AGTPBP1: variants seen among roughly 807,000 people sequenced by gnomAD.
AGTPBP1 encodes the protein cytosolic carboxypeptidase 1.
A neutral mutation model predicts 143.9 loss-of-function variants in AGTPBP1; 70 were observed. That is an observed-to-expected ratio of 0.49 (90% CI 0.40 to 0.59). AGTPBP1 has a LOEUF of 0.59. Ranked by LOEUF, AGTPBP1 falls within the 20% of genes least tolerant of loss-of-function variation. The pLI is 0.00. For missense variants in AGTPBP1, 1,229 were observed against 1,464.5 expected (o/e 0.84, Z 2.62); for synonymous variants, 463 against 500.2 (o/e 0.93, Z 0.99).
chr9:85,599,751 A>G (rs772611540), intron 17 of AGTPBP1, among the ~76,000 whole-genome samples: 1 of 152,256 alleles, frequency 6.6e-6, no homozygotes, highest in Non-Finnish European at 1.5e-5. Context: ...ATAAACGCTG[A>G]CATGCAGTTT....
At chr9:85,661,060 G>A in intron 8 of AGTPBP1, 87 bp from the exon 9 acceptor site, 1 of 1,149,884 alleles carries the variant, frequency 8.7e-7, no homozygotes, top group South Asian at 1.6e-5. Context: ...TTTTCAATAA[G>A]TCATTATTCT....
chr9:85,601,138 C>T (rs1829642104), intron 17 of AGTPBP1, among the ~76,000 whole-genome samples: 1 of 152,160 alleles, frequency 6.6e-6, no homozygotes, highest in African/African-American at 2.4e-5. Flanking sequence ...GCACACATTC[C>T]CCAGCCACTC....
intron 1 of AGTPBP1, among the ~76,000 whole-genome samples, chr9:85,735,657 A>G (rs985400296): frequency 1.3e-5 from 2 of 152,248 alleles, no homozygotes; most frequent in African/African-American, 2.4e-5. Context: ...GTTAAAATCA[A>G]TAAGATTAAA....
chr9:85,671,814 T>C (rs1462925287), intron 7 of AGTPBP1, among the ~76,000 whole-genome samples: 2 of 152,156 alleles, frequency 1.3e-5, no homozygotes, highest in African/African-American at 2.4e-5. Context: ...GTTCCCATAC[T>C]AGTTATTTTC....
chr9:85,552,486 G>A (rs1008631598), intron 25 of AGTPBP1, among the ~76,000 whole-genome samples: 33 of 152,124 alleles, frequency 2.2e-4, no homozygotes, highest in Non-Finnish European at 3.5e-4. Flanking sequence ...CATGATGAAA[G>A]CAAAACACTG....
intron 17 of AGTPBP1, among the ~76,000 whole-genome samples, chr9:85,602,610 C>A (rs1248351300): frequency 1.3e-5 from 2 of 152,182 alleles, no homozygotes; most frequent in African/African-American, 4.8e-5. Flanking sequence ...AGAGGCAGAA[C>A]AAGATGGCCA....
chr9:85,766,163 T>C, the AGTPBP1 span, among the ~76,000 whole-genome samples: 1 of 151,494 alleles, frequency 6.6e-6, no homozygotes, highest in Non-Finnish European at 1.5e-5. Context: ...ATGTTTCCCT[T>C]GAGAAATTAA....
chr9:85,643,443 A>G (rs111813318), intron 12 of AGTPBP1, among the ~76,000 whole-genome samples: 2 of 152,342 alleles, frequency 1.3e-5, no homozygotes, highest in Middle Eastern at 3.4e-3. Context: ...TTGCAAAGAC[A>G]GGAGCCAGGA....
chr9:85,653,177 G>C (rs1271575667), intron 11 of AGTPBP1, among the ~76,000 whole-genome samples: 1 of 150,946 alleles, frequency 6.6e-6, no homozygotes, highest in East Asian at 2.0e-4. Context: ...GCTGAGGTGG[G>C]GGGGATCTCT....
At chr9:85,764,879 AT>A in the AGTPBP1 span, 1 of 1,256,486 alleles carries the variant, frequency 8.0e-7, no homozygotes, top group Non-Finnish European at 1.2e-6. Context: ...ACGAAGACAC[AT>A]TTTTAAGATG....
chr9:85,575,549 T>C, intron 24 of AGTPBP1, 74 bp from the exon 25 acceptor site: 2 of 1,239,822 alleles, frequency 1.6e-6, no homozygotes, highest in Non-Finnish European at 2.2e-6. Flanking sequence ...TGAAATTATA[T>C]AAAAAGAATT....
the AGTPBP1 span, among the ~76,000 whole-genome samples, chr9:85,775,407 T>G: frequency 1.3e-5 from 2 of 151,526 alleles, no homozygotes; most frequent in Admixed American, 6.6e-5. Context: ...TCCCAGCATT[T>G]TGGAAGGTTG....
chr9:85,629,256 G>C (rs1054955666), intron 14 of AGTPBP1, among the ~76,000 whole-genome samples: 12 of 152,114 alleles, frequency 7.9e-5, no homozygotes, highest in Admixed American at 6.6e-4. Flanking sequence ...ATTACTTCAG[G>C]AAAAAGTCCT....
At chr9:85,597,551 T>C (rs761228864) in intron 17 of AGTPBP1, among the ~76,000 whole-genome samples, 2 of 152,102 alleles carry the variant, frequency 1.3e-5, no homozygotes, top group African/African-American at 2.4e-5. Flanking sequence ...AAGTCAAAAA[T>C]AGCTAACAAT....
At chr9:85,606,922 G>A (rs926208160) in intron 17 of AGTPBP1, among the ~76,000 whole-genome samples, 2 of 151,866 alleles carry the variant, frequency 1.3e-5, no homozygotes, top group African/African-American at 4.8e-5. Flanking sequence ...GGATAAGGGG[G>A]GTGAAGAGAG....
At chr9:85,695,847 T>A (rs1836198129) in intron 2 of AGTPBP1, among the ~76,000 whole-genome samples, 1 of 142,628 alleles carries the variant, frequency 7.0e-6, no homozygotes, top group African/African-American at 2.6e-5. Flanking sequence ...TTTCTTTTAC[T>A]TTTTTTTTTT....
chr9:85,702,003 A>C (rs761848407), intron 2 of AGTPBP1, among the ~76,000 whole-genome samples: 3 of 152,128 alleles, frequency 2.0e-5, no homozygotes, highest in Non-Finnish European at 4.4e-5. Flanking sequence ...GCCCCATATA[A>C]TGTTATCTTT....
At chr9:85,648,785 C>T (rs1377907134) in intron 11 of AGTPBP1, among the ~76,000 whole-genome samples, 3 of 152,028 alleles carry the variant, frequency 2.0e-5, no homozygotes, top group African/African-American at 7.3e-5. Flanking sequence ...GCACTCCAGC[C>T]TGGGCAACAG....
chr9:85,586,446 AG>A (rs1459877796), intron 22 of AGTPBP1, among the ~76,000 whole-genome samples: 1 of 152,210 alleles, frequency 6.6e-6, no homozygotes, highest in Non-Finnish European at 1.5e-5. Context: ...TGAGAACAGA[AG>A]GAGCGTATGT....
Sources: allele counts gnomAD v4.1 joint callset (sites outside exome capture counted in the v4.1 genomes callset), GRCh38; gene constraint gnomAD v4.1.1; transcripts MANE v1.5; gene names NCBI Gene and HGNC (gene_info 2026-07-23, HGNC 2026-07-21).